Variants in PPM1D observed in about 807,000 individuals in gnomAD.
PPM1D encodes the protein protein phosphatase 1D.
PPM1D carries 52 observed loss-of-function variants against 58.3 expected under a neutral mutation model. The observed-to-expected ratio is 0.89, with a 90% CI of 0.71 to 1.12. PPM1D has a LOEUF of 1.12. PPM1D is among the 50% of genes most tolerant of loss of function. The pLI is 0.00. For missense variants in PPM1D, 564 were observed against 777.2 expected (o/e 0.73, Z 3.26); for synonymous variants, 278 against 285.1 (o/e 0.98, Z 0.25).
chr17:60,622,130 C>T lies in PPM1D; in HGVS notation c.473-1391C>T, dbSNP rs2030719460. 1.3e-5 allele frequency among the ~76,000 whole-genome samples: 2 copies of T among 150,306 alleles called. 1 individual carries two copies. Among genetic ancestry groups the T allele is most frequent in the South Asian group, 4.2e-4 (2 of 4,776 alleles). On this transcript the variant is annotated intron_variant, in intron 1 of 5. Coordinates refer to ENST00000305921, the MANE Select transcript of PPM1D (RefSeq NM_003620.4). ...GCGTGAACCTGGGAGGCGGAGCTTG[C>T]AGTGAGCCGAGATCATGCCACTGCT...
intron 5 of PPM1D, chr17:60,657,140 T>G: frequency 4.3e-6 from 5 of 1,159,836 alleles, no homozygotes; most frequent in Non-Finnish European, 4.4e-6. Flanking sequence ...TAAATATATT[T>G]TATTTGAATC....
At chr17:60,649,481 G>T (rs1055005635) in intron 4 of PPM1D, among the ~76,000 whole-genome samples, 3 of 151,868 alleles carry the variant, frequency 2.0e-5, no homozygotes, top group Non-Finnish European at 4.4e-5. Context: ...CCAAGGTCAG[G>T]AGTTAAGAGA....
intron 1 of PPM1D, among the ~76,000 whole-genome samples, chr17:60,616,219 C>T (rs1394047780): frequency 7.1e-6 from 1 of 141,362 alleles, no homozygotes; most frequent in East Asian, 2.1e-4. Flanking sequence ...ACCTGGGTGG[C>T]GGAGGTTGCA....
chr17:60,634,539 C>A (rs1012506755), intron 3 of PPM1D, among the ~76,000 whole-genome samples: 5 of 152,136 alleles, frequency 3.3e-5, no homozygotes, highest in African/African-American at 1.2e-4. Context: ...TAATGTTACC[C>A]TTGAAACTAT....
At chr17:60,634,519 TA>T (rs1211327003) in intron 3 of PPM1D, among the ~76,000 whole-genome samples, 6 of 152,218 alleles carry the variant, frequency 3.9e-5, no homozygotes, top group African/African-American at 1.4e-4. Flanking sequence ...AGTATATGCA[TA>T]TCTAGGCTTA....
At chr17:60,601,804 A>G (rs2030218303) in intron 1 of PPM1D, among the ~76,000 whole-genome samples, 2 of 152,200 alleles carry the variant, frequency 1.3e-5, no homozygotes, top group African/African-American at 2.4e-5. Flanking sequence ...AGCAGGCAGG[A>G]TTTCTGTGCC....
chr17:60,656,533 A>G lies in PPM1D; in HGVS notation c.1018-66A>G, dbSNP rs2031442244. 2.6e-6 allele frequency: 4 copies of G among 1,560,292 alleles called. No individual in the cohort carries two copies. In the South Asian group the frequency reaches 3.6e-5, roughly 14 times the overall value. On this transcript the variant is annotated intron_variant, in intron 4 of 5. Coordinates refer to ENST00000305921, the MANE Select transcript of PPM1D (RefSeq NM_003620.4). The stretch of plus-strand genomic sequence containing the variant: ...GCGAACACCAAATATTTAATTTGAT[A>G]TAGATACAGATGTAGTGGCAGCTAA...
At position 60,633,802 on chromosome 17, in the gene PPM1D, G is replaced by C. The variant is rs1020637956; in HGVS notation, c.702-51G>C. 4.1e-6 allele frequency: 6 copies of C among 1,476,336 alleles called. No individual in the cohort carries two copies. The African/African-American group carries it at 8.5e-5, about 21-fold the overall frequency. 91.5% of individuals were successfully genotyped at this position (1,476,336 alleles called of 1,614,324 possible). Reference sequence around the variant, plus strand: ...TGATTTAATATACTGAGCTATCTTAGTTGTTGTATTTTAATCATTTAGATT... The same window carrying C: ...TGATTTAATATACTGAGCTATCTTACTTGTTGTATTTTAATCATTTAGATT... On this transcript the variant is annotated intron_variant, in intron 2 of 5. Coordinates refer to ENST00000305921, the MANE Select transcript of PPM1D (RefSeq NM_003620.4).
At chr17:60,621,431 G>A (rs1169379583) in intron 1 of PPM1D, among the ~76,000 whole-genome samples, 1 of 151,930 alleles carries the variant, frequency 6.6e-6, no homozygotes, top group African/African-American at 2.4e-5. Context: ...ATCTCACTCT[G>A]TTGGCCAGGC....
At chr17:60,602,413 C>T (rs1170627229) in intron 1 of PPM1D, among the ~76,000 whole-genome samples, 1 of 151,186 alleles carries the variant, frequency 6.6e-6, no homozygotes, top group Admixed American at 6.6e-5. Context: ...AACTCCGTTA[C>T]ATTAGTATTA....
chr17:60,645,148 G>C (rs2031209574), intron 3 of PPM1D, among the ~76,000 whole-genome samples: 2 of 152,128 alleles, frequency 1.3e-5, no homozygotes, highest in Admixed American at 6.6e-5. Flanking sequence ...GAGGTCAGGA[G>C]TTCCAGACCA....
chr17:60,620,090 CT>C (rs1370350913), intron 1 of PPM1D, among the ~76,000 whole-genome samples: 2 of 152,046 alleles, frequency 1.3e-5, no homozygotes, highest in Non-Finnish European at 2.9e-5. Flanking sequence ...ACTCCACCCC[CT>C]GGGTTCAAAC....
At position 60,622,040 on chromosome 17, in the gene PPM1D, A is replaced by T. The variant is rs545485763; in HGVS notation, c.473-1481A>T. On this transcript the variant is annotated intron_variant, in intron 1 of 5. Coordinates refer to ENST00000305921, the MANE Select transcript of PPM1D (RefSeq NM_003620.4). Reference sequence around the variant, plus strand: ...GTCTCTACTAAAAAAATACAAAAAAATTAGTTGGGTGTGGTGGCAGGCGCC... The same window carrying T: ...GTCTCTACTAAAAAAATACAAAAAATTTAGTTGGGTGTGGTGGCAGGCGCC... 9.4e-4 allele frequency among the ~76,000 whole-genome samples: 143 copies of T among 151,478 alleles called. 1 individual carries two copies. The highest frequency in any genetic ancestry group is 3.3e-3 in the African/African-American group (138 of 41,396).
intron 1 of PPM1D, among the ~76,000 whole-genome samples, chr17:60,620,799 C>T (rs2030684953): frequency 6.6e-6 from 1 of 152,174 alleles, no homozygotes; most frequent in Admixed American, 6.5e-5. Context: ...TGAGCCACTG[C>T]ACCCAGCCTG....
intron 4 of PPM1D, among the ~76,000 whole-genome samples, chr17:60,654,029 G>A (rs1158788724): frequency 2.0e-5 from 3 of 151,768 alleles, no homozygotes; most frequent in Non-Finnish European, 4.4e-5. Context: ...TCTTTCTCTT[G>A]CCTAATTGCT....
chr17:60,601,709 T>A (rs777781405), intron 1 of PPM1D, among the ~76,000 whole-genome samples: 14 of 152,196 alleles, frequency 9.2e-5, no homozygotes, highest in Non-Finnish European at 1.8e-4. Context: ...GGAATTACTG[T>A]ATGCTAGAAG....
At chr17:60,624,611 A>AC (rs1229706193) in intron 2 of PPM1D, among the ~76,000 whole-genome samples, 1 of 151,824 alleles carries the variant, frequency 6.6e-6, no homozygotes, top group Non-Finnish European at 1.5e-5. Flanking sequence ...ACATGGAGAA[A>AC]CCCCGTCGCT....
intron 1 of PPM1D, among the ~76,000 whole-genome samples, chr17:60,609,934 C>A (rs2030419271): frequency 6.6e-6 from 1 of 152,156 alleles, no homozygotes; most frequent in Non-Finnish European, 1.5e-5. Context: ...GTAATCCCAG[C>A]CCTTTGGGAG....
In PPM1D at chr17:60,600,294, C is replaced by T. The variant is rs2030173406; in HGVS notation, c.-121C>T. 9 of 1,451,398 alleles carry T rather than the reference C, an allele frequency of 6.2e-6. No homozygotes were observed. The highest frequency in any genetic ancestry group is 6.3e-6 in the Non-Finnish European group (7 of 1,108,308). 89.9% of individuals were successfully genotyped at this position (1,451,398 alleles called of 1,614,324 possible). On this transcript the variant is annotated 5_prime_UTR_variant, in exon 1 of 6. Transcript: ENST00000305921. The stretch of plus-strand genomic sequence containing the variant: ...CGCGCCCCCCCTTCTCCGGGTCCGC[C>T]CCCTCCCCCTTCTCGGCGTCGTCGA...
Sources: gnomAD v4.1 joint callset for allele counts (sites outside exome capture counted in the v4.1 genomes callset) on GRCh38, gnomAD v4.1.1 for gene constraint, MANE v1.5 for transcripts, NCBI Gene and HGNC (gene_info 2026-07-23, HGNC 2026-07-21) for gene names.